ANKS1B: variants seen among roughly 807,000 people sequenced by gnomAD.
ANKS1B encodes the protein ankyrin repeat and sterile alpha motif domain containing 1B, also known as ankyrin repeat and sterile alpha motif domain-containing protein 1B.
ANKS1B carries 36 observed loss-of-function variants against 148.3 expected under a neutral mutation model. The observed-to-expected ratio is 0.24, with a 90% CI of 0.19 to 0.32. The LOEUF is 0.32. Among genes scored for constraint, ANKS1B ranks in the 10% least tolerant of loss-of-function variants. The pLI, the probability that ANKS1B is intolerant of heterozygous loss-of-function variation, is 1.00. For missense variants in ANKS1B, 1,157 were observed against 1,542.6 expected, an observed-to-expected ratio of 0.75 and a Z score of 4.19; for synonymous variants, 542 against 560.8, an observed-to-expected ratio of 0.97 and a Z score of 0.47.
intron 1 of ANKS1B, among the ~76,000 whole-genome samples, chr12:99,857,371 G>A (rs2089321297): frequency 6.6e-6 from 1 of 152,122 alleles, no homozygotes; most frequent in Non-Finnish European, 1.5e-5. Flanking sequence ...ACAAAACACT[G>A]CTGAAAGAAA....
intron 9 of ANKS1B, among the ~76,000 whole-genome samples, chr12:99,584,672 A>G (rs2097609251): frequency 6.6e-6 from 1 of 152,162 alleles, no homozygotes; most frequent in South Asian, 2.1e-4. Flanking sequence ...AAAGAGGTCT[A>G]ATTGACTCAC....
At chr12:99,632,758 TATATA>T (rs1567522893) in intron 9 of ANKS1B, among the ~76,000 whole-genome samples, 3 of 87,312 alleles carry the variant, frequency 3.4e-5, no homozygotes, top group African/African-American at 1.2e-4. Context: ...TATATATATA[TATATA>T]TATATTTTAA....
chr12:99,951,759 C>T (rs1025452662), intron 1 of ANKS1B, among the ~76,000 whole-genome samples: 17 of 152,086 alleles, frequency 1.1e-4, no homozygotes, highest in East Asian at 7.7e-4. Context: ...TGGCCCATGC[C>T]TGTAGTCCCA....
At chr12:98,754,220 T>G (rs1010292061) in intron 25 of ANKS1B, among the ~76,000 whole-genome samples, 1 of 152,212 alleles carries the variant, frequency 6.6e-6, no homozygotes, top group African/African-American at 2.4e-5. Context: ...ACTGAGCCCA[T>G]GTTTGCCTCC....
chr12:99,132,481 CA>C (rs201298152), intron 15 of ANKS1B, among the ~76,000 whole-genome samples: 24,371 of 129,090 alleles, frequency 0.19, 2,083 homozygotes, highest in African/African-American at 0.27. Flanking sequence ...TCCCCGCCTT[CA>C]AAAAAAAAAA....
At chr12:99,682,724 A>C (rs2098628474) in intron 8 of ANKS1B, among the ~76,000 whole-genome samples, 1 of 152,114 alleles carries the variant, frequency 6.6e-6, no homozygotes. Flanking sequence ...AGCCAAACCC[A>C]AACCCAGCAG....
chr12:98,872,326 G>T (rs2099672931), intron 17 of ANKS1B, among the ~76,000 whole-genome samples: 3 of 152,166 alleles, frequency 2.0e-5, no homozygotes, highest in Admixed American at 2.0e-4. Context: ...ATTGCTTGAG[G>T]TCAGGAGTTT....
intron 11 of ANKS1B, among the ~76,000 whole-genome samples, chr12:99,407,882 C>T (rs2094569089): frequency 6.9e-6 from 1 of 145,958 alleles, no homozygotes; most frequent in Non-Finnish European, 1.5e-5. Context: ...ATTCCACTTT[C>T]TGGATTGGTA....
intron 14 of ANKS1B, among the ~76,000 whole-genome samples, chr12:99,157,008 C>A (rs11832302): frequency 0.074 from 11,186 of 152,080 alleles, 1,375 homozygotes; most frequent in African/African-American, 0.26. Context: ...TTTTTCATGT[C>A]TGTCTTTTAG....
intron 9 of ANKS1B, among the ~76,000 whole-genome samples, chr12:99,555,094 T>TTGTGAGTAG (rs1352647649): frequency 6.6e-6 from 1 of 152,206 alleles, no homozygotes; most frequent in African/African-American, 2.4e-5. Context: ...GTCTTTGCTA[T>TTGTGAGTAG]TGTGAGTAGT....
intron 17 of ANKS1B, among the ~76,000 whole-genome samples, chr12:99,020,586 T>C (rs1282257480): frequency 3.9e-5 from 6 of 152,186 alleles, no homozygotes; most frequent in Non-Finnish European, 8.8e-5. Flanking sequence ...ATATTTTTCC[T>C]ATAGCCAATG....
At chr12:98,754,675 C>A (rs1175614448) in intron 25 of ANKS1B, among the ~76,000 whole-genome samples, 1 of 152,214 alleles carries the variant, frequency 6.6e-6, no homozygotes, top group Non-Finnish European at 1.5e-5. Flanking sequence ...GCGAGATCTA[C>A]TTAAAGCTCC....
At chr12:99,194,046 C>T (rs1375476481) in intron 14 of ANKS1B, among the ~76,000 whole-genome samples, 11 of 151,780 alleles carry the variant, frequency 7.2e-5, no homozygotes, top group Non-Finnish European at 1.5e-4. Context: ...GTGATCCGCC[C>T]GCCTCAGCCT....
chr12:99,834,284 A>G (rs1323047479), intron 1 of ANKS1B, among the ~76,000 whole-genome samples: 1 of 152,146 alleles, frequency 6.6e-6, no homozygotes. Context: ...AAAGTATAAA[A>G]TGCTTATTAC....
At chr12:98,844,460 CA>C (rs1404095000) in intron 17 of ANKS1B, among the ~76,000 whole-genome samples, 2 of 152,234 alleles carry the variant, frequency 1.3e-5, no homozygotes, top group African/African-American at 4.8e-5. Context: ...ACAATCCCTG[CA>C]TCATCAGCCA....
At chr12:99,847,046 A>G (rs2086783809) in intron 1 of ANKS1B, among the ~76,000 whole-genome samples, 1 of 151,976 alleles carries the variant, frequency 6.6e-6, no homozygotes, top group South Asian at 2.1e-4. Flanking sequence ...TTGGCACGCT[A>G]AGTACTTTGA....
At chr12:99,761,315 A>C (rs913022229) in intron 8 of ANKS1B, among the ~76,000 whole-genome samples, 1 of 151,806 alleles carries the variant, frequency 6.6e-6, no homozygotes, top group Non-Finnish European at 1.5e-5. Context: ...TCAGCAAACA[A>C]ACTAAAAGCA....
At chr12:99,569,442 G>A (rs906483080) in intron 9 of ANKS1B, among the ~76,000 whole-genome samples, 2 of 152,132 alleles carry the variant, frequency 1.3e-5, no homozygotes, top group African/African-American at 4.8e-5. Context: ...TTATAGAGTT[G>A]ATATAAAAAT....
intron 14 of ANKS1B, 198 bp from the exon 15 acceptor site, chr12:99,154,593 G>C: frequency 1.3e-6 from 2 of 1,484,108 alleles, no homozygotes; most frequent in Non-Finnish European, 1.8e-6. Flanking sequence ...TGCCAGGCAG[G>C]CTGTGGAGTA....
Sources: gnomAD v4.1 joint callset for allele counts (sites outside exome capture counted in the v4.1 genomes callset) on GRCh38, gnomAD v4.1.1 for gene constraint, MANE v1.5 for transcripts, NCBI Gene and HGNC (gene_info 2026-07-23, HGNC 2026-07-21) for gene names.